Variants in KCTD2 observed in about 807,000 individuals in gnomAD.
The protein encoded by KCTD2 is BTB/POZ domain-containing protein KCTD2.
KCTD2 carries 18 observed loss-of-function variants against 27.9 expected under a neutral mutation model. The observed-to-expected ratio is 0.64, with a 90% confidence interval of 0.45 to 0.96. The LOEUF is 0.96. Ranked by LOEUF, KCTD2 falls within the 40% of genes least tolerant of loss-of-function variation. KCTD2 has a pLI of 0.00. For missense variants in KCTD2, 280 were observed against 348.0 expected, an observed-to-expected ratio of 0.80 and a Z score of 1.56; for synonymous variants, 175 against 148.4, an observed-to-expected ratio of 1.18 and a Z score of -1.30.
intron 2 of KCTD2, among the ~76,000 whole-genome samples, chr17:75,051,634 C>T (rs2073288624): frequency 6.6e-6 from 1 of 151,486 alleles, no homozygotes; most frequent in Non-Finnish European, 1.5e-5. Context: ...CTATTTCCCC[C>T]TCCCTACCCC....
rs986951142 is a variant in KCTD2 at position 75,065,800 on chromosome 17, C to G, written c.*2753C>G. ...GGGACGAGGCTGTCACTGGTGGGCA[C>G]CCTCTGTTCCTGTTTGTGTGTTTGA... On this transcript the variant is annotated 3_prime_UTR_variant, in exon 6 of 6. Transcript: ENST00000322444. The G allele has an allele frequency of 6.6e-6, 1 of 152,172 alleles. No individual in the cohort carries two copies. Among genetic ancestry groups the G allele is most frequent in the Non-Finnish European group, 1.5e-5 (1 of 68,054 alleles). 9.4% of individuals were successfully genotyped at this position (152,172 alleles called of 1,614,324 possible).
upstream of KCTD2, among the ~76,000 whole-genome samples, chr17:75,044,218 A>T (rs2144916231): frequency 1.5e-5 from 1 of 68,858 alleles, no homozygotes; most frequent in East Asian, 9.6e-4. Context: ...TTTTTTTTTG[A>T]GACGGAGTCT....
chr17:75,040,123 G>A (rs774424117), intron 3 of KCTD2: 5 of 1,612,714 alleles, frequency 3.1e-6, no homozygotes, highest in Non-Finnish European at 4.2e-6. Context: ...CACCTGGGCA[G>A]TATATTTATC....
chr17:75,046,135 T>A (rs1438581768), upstream of KCTD2, among the ~76,000 whole-genome samples: 2 of 151,980 alleles, frequency 1.3e-5, no homozygotes, highest in Non-Finnish European at 2.9e-5. Context: ...TGGGCTGGAG[T>A]GTAGTGGCGT....
chr17:75,054,111 A>G (rs1217333444), intron 3 of KCTD2, among the ~76,000 whole-genome samples: 13 of 151,806 alleles, frequency 8.6e-5, no homozygotes, highest in Non-Finnish European at 4.4e-5. Context: ...TTGGCTTCCC[A>G]GGCTCAGGTG....
chr17:75,039,641 C>T, intron 3 of KCTD2: 1 of 285,276 alleles, frequency 3.5e-6, no homozygotes, highest in Non-Finnish European at 6.6e-6. Flanking sequence ...GCCTTCAGTG[C>T]TTTCAAGCAA....
chr17:75,042,060 G>A (rs548042479), intron 3 of KCTD2: 170 of 813,904 alleles, frequency 2.1e-4, no homozygotes, highest in South Asian at 1.1e-3. Context: ...TTGGCCATAC[G>A]CATCCTTCCT....
At chr17:75,055,062 C>A (rs533390904) in intron 3 of KCTD2, among the ~76,000 whole-genome samples, 2 of 151,676 alleles carry the variant, frequency 1.3e-5, no homozygotes, top group African/African-American at 2.4e-5. Context: ...ATTCTTTTTT[C>A]TTCTTTTTTT....
upstream of KCTD2, among the ~76,000 whole-genome samples, chr17:75,042,837 C>T (rs1029239003): frequency 6.6e-6 from 1 of 151,986 alleles, no homozygotes; most frequent in African/African-American, 2.4e-5. Context: ...GTCGAGACTG[C>T]ATCACTGCAC....
intron 3 of KCTD2, among the ~76,000 whole-genome samples, chr17:75,054,492 TG>T (rs1205334943): frequency 6.6e-6 from 1 of 152,140 alleles, no homozygotes; most frequent in Non-Finnish European, 1.5e-5. Context: ...TGTAAGTAAT[TG>T]AAAGTCCTTG....
intron 3 of KCTD2, among the ~76,000 whole-genome samples, chr17:75,054,063 G>C (rs1003676552): frequency 6.6e-6 from 1 of 151,794 alleles, no homozygotes; most frequent in African/African-American, 2.4e-5. Flanking sequence ...CGTTGCCCAG[G>C]TTGGAGTGCA....
At chr17:75,058,259 G>A (rs1198912892) in intron 3 of KCTD2, among the ~76,000 whole-genome samples, 2 of 152,012 alleles carry the variant, frequency 1.3e-5, no homozygotes, top group East Asian at 1.9e-4. Context: ...CTCGGGAGGC[G>A]GAGATTGCAG....
At chr17:75,039,236 C>T (rs1205643324) in intron 3 of KCTD2, 1 of 1,614,176 alleles carries the variant, frequency 6.2e-7, no homozygotes, top group Admixed American at 1.7e-5. Context: ...CAATCCTGGC[C>T]TTTGAGAGAG....
chr17:75,058,729 G>A (rs1438430966), intron 3 of KCTD2, among the ~76,000 whole-genome samples: 2 of 152,072 alleles, frequency 1.3e-5, no homozygotes, highest in African/African-American at 4.8e-5. Context: ...AACCGGGGAG[G>A]CGGAGTTGCA....
At chr17:75,043,208 A>G (rs1027367319), upstream of KCTD2, among the ~76,000 whole-genome samples, 8 of 152,238 alleles carry the variant, frequency 5.3e-5, no homozygotes, top group Non-Finnish European at 1.0e-4. Flanking sequence ...GCAACACAGC[A>G]AGAGTCCGTC....
At chr17:75,053,830 A>C (rs2073318707) in intron 3 of KCTD2, among the ~76,000 whole-genome samples, 1 of 132,604 alleles carries the variant, frequency 7.5e-6, no homozygotes, top group African/African-American at 3.0e-5. Flanking sequence ...CTCATGGGGT[A>C]CGCTTCAGCA....
intron 3 of KCTD2, among the ~76,000 whole-genome samples, chr17:75,035,572 A>T (rs1432167659): frequency 7.2e-6 from 1 of 138,634 alleles, no homozygotes; most frequent in Non-Finnish European, 1.6e-5. Context: ...TGTAATCCCA[A>T]CACTTTGGGA....
At chr17:75,062,035 G>A in intron 4 of KCTD2, 85 bp from the exon 5 acceptor site, 1 of 1,497,248 alleles carries the variant, frequency 6.7e-7, no homozygotes, top group East Asian at 2.3e-5. Context: ...TAAAAGTTCA[G>A]TCGGAAGAGG....
intron 2 of KCTD2, among the ~76,000 whole-genome samples, chr17:75,049,732 A>G (rs111700738): frequency 0.011 from 1,671 of 152,368 alleles, 31 homozygotes; most frequent in African/African-American, 0.039. Flanking sequence ...TACAAAAATA[A>G]TAAAGGCTTG....
Sources: allele counts gnomAD v4.1 joint callset (sites outside exome capture counted in the v4.1 genomes callset), GRCh38; gene constraint gnomAD v4.1.1; transcripts MANE v1.5; gene names NCBI Gene and HGNC (gene_info 2026-07-23, HGNC 2026-07-21).